Variants in CSMD1 observed in about 807,000 individuals in gnomAD.
The protein encoded by CSMD1 is CUB and Sushi multiple domains 1.
Under a neutral mutation model 417.5 loss-of-function variants are expected in CSMD1, and 213 were observed. The observed-to-expected ratio is 0.51, with a 90% CI of 0.46 to 0.57. The LOEUF is 0.57. Among genes scored for constraint, CSMD1 ranks in the 20% least tolerant of loss-of-function variants. The pLI, the probability that CSMD1 is intolerant of heterozygous loss-of-function variation, is 0.00. For missense variants in CSMD1, 6,923 were observed against 4,529.7 expected, an observed-to-expected ratio of 1.53 and a Z score of -15.17; for synonymous variants, 2,862 against 1,736.8, an observed-to-expected ratio of 1.65 and a Z score of -16.11.
intron 30 of CSMD1, among the ~76,000 whole-genome samples, chr8:3,212,251 C>G (rs912781937): frequency 6.6e-6 from 1 of 152,194 alleles, no homozygotes; most frequent in African/African-American, 2.4e-5. Flanking sequence ...TCACAAAAGT[C>G]TCCCAAAGCA....
At position 4,030,396 on chromosome 8, in the gene CSMD1, G is replaced by A. The variant is rs117009341; in HGVS notation, c.610+1509C>T. On this transcript the variant is annotated intron_variant, in intron 4 of 69. Transcript: ENST00000635120. ...CCAAATTATTGACTTCTACACATTC[G>A]CAGGCTCAACACCACATGGAAGCTG... Among the ~76,000 whole-genome samples the A allele has an allele frequency of 1.7e-3, 253 of 152,234 alleles. 1 individual carries two copies. The highest frequency in any genetic ancestry group is 2.9e-3 in the Non-Finnish European group (199 of 68,000).
chr8:4,206,558 G>A (rs1257153485), intron 3 of CSMD1, among the ~76,000 whole-genome samples: 1 of 152,120 alleles, frequency 6.6e-6, no homozygotes, highest in Non-Finnish European at 1.5e-5. Context: ...GTGTATATGT[G>A]CCACATTTTC....
At chr8:4,663,446 C>A (rs77687338) in intron 1 of CSMD1, among the ~76,000 whole-genome samples, 3,464 of 152,200 alleles carry the variant, frequency 0.023, 135 homozygotes, top group African/African-American at 0.08. Context: ...CCAGTAGTAA[C>A]CCTGAATATT....
At chr8:3,556,389 A>ATTTTT (rs1446015509) in intron 10 of CSMD1, among the ~76,000 whole-genome samples, 1 of 118,664 alleles carries the variant, frequency 8.4e-6, no homozygotes, top group African/African-American at 3.9e-5. Context: ...ATTTATAATA[A>ATTTTT]TTAATATATA....
At chr8:3,554,852 G>C (rs957414356) in intron 10 of CSMD1, among the ~76,000 whole-genome samples, 1 of 152,126 alleles carries the variant, frequency 6.6e-6, no homozygotes, top group African/African-American at 2.4e-5. Flanking sequence ...TGTGTGAACA[G>C]CCAGCAGGCA....
intron 5 of CSMD1, among the ~76,000 whole-genome samples, chr8:3,939,050 T>C (rs189845584): frequency 2.6e-5 from 4 of 152,246 alleles, no homozygotes; most frequent in East Asian, 1.9e-4. Context: ...ATAGTAATTA[T>C]TGAGCCAACA....
At chr8:4,454,889 T>C (rs1400269431) in intron 2 of CSMD1, among the ~76,000 whole-genome samples, 1 of 152,172 alleles carries the variant, frequency 6.6e-6, no homozygotes, top group African/African-American at 2.4e-5. Flanking sequence ...CGTCCTGTGA[T>C]ACACCTACAG....
chr8:4,950,045 G>A (rs1274745653), intron 1 of CSMD1, among the ~76,000 whole-genome samples: 4 of 151,976 alleles, frequency 2.6e-5, no homozygotes, highest in Non-Finnish European at 5.9e-5. Flanking sequence ...TAATGGCACA[G>A]GGAAGAACCT....
intron 2 of CSMD1, among the ~76,000 whole-genome samples, chr8:4,550,571 TA>T (rs1797825515): frequency 6.6e-6 from 1 of 152,170 alleles, no homozygotes; most frequent in Admixed American, 6.5e-5. Context: ...AAACATTTTT[TA>T]AAAACCAGAA....
chr8:4,934,471 C>T (rs558684363), intron 1 of CSMD1, among the ~76,000 whole-genome samples: 1 of 152,268 alleles, frequency 6.6e-6, no homozygotes, highest in African/African-American at 2.4e-5. Flanking sequence ...CAACACTCCA[C>T]TGAGTTATAG....
chr8:4,736,688 AG>A (rs1379821081), intron 1 of CSMD1, among the ~76,000 whole-genome samples: 3 of 152,210 alleles, frequency 2.0e-5, no homozygotes, highest in Admixed American at 2.0e-4. Context: ...GATAAATCGC[AG>A]GAAAAAGAAT....
intron 1 of CSMD1, among the ~76,000 whole-genome samples, chr8:4,844,316 C>T (rs905910387): frequency 2.0e-5 from 3 of 152,144 alleles, no homozygotes; most frequent in South Asian, 2.1e-4. Context: ...TAGATAGTGC[C>T]GTTATTGATA....
chr8:2,958,958 A>T (rs1344201864), intron 62 of CSMD1, among the ~76,000 whole-genome samples: 1 of 152,268 alleles, frequency 6.6e-6, no homozygotes, highest in Non-Finnish European at 1.5e-5. Context: ...GAGAAAAAAA[A>T]TGCTGCTTCT....
intron 1 of CSMD1, among the ~76,000 whole-genome samples, chr8:4,954,934 TTC>T (rs1808988749): frequency 6.6e-6 from 1 of 152,156 alleles, no homozygotes; most frequent in African/African-American, 2.4e-5. Flanking sequence ...GAAAACATGT[TTC>T]TGTTTGTCTG....
chr8:4,631,383 A>C (rs552906800), intron 2 of CSMD1, among the ~76,000 whole-genome samples: 2 of 150,496 alleles, frequency 1.3e-5, no homozygotes, highest in East Asian at 3.9e-4. Flanking sequence ...ATAAAATAAA[A>C]TGATACCTTG....
At chr8:4,626,708 T>C (rs1477480856) in intron 2 of CSMD1, among the ~76,000 whole-genome samples, 2 of 152,020 alleles carry the variant, frequency 1.3e-5, no homozygotes, top group Non-Finnish European at 2.9e-5. Context: ...CGTCTCCCCA[T>C]CCTGACCTAC....
intron 37 of CSMD1, among the ~76,000 whole-genome samples, chr8:3,174,067 G>A (rs976420875): frequency 6.6e-6 from 1 of 152,176 alleles, no homozygotes; most frequent in East Asian, 1.9e-4. Flanking sequence ...AAGAATTAAG[G>A]AAGTATTTTA....
intron 18 of CSMD1, among the ~76,000 whole-genome samples, chr8:3,381,960 T>C (rs1038869123): frequency 8.5e-5 from 13 of 152,122 alleles, no homozygotes; most frequent in African/African-American, 2.7e-4. Context: ...TTTTTTCCTT[T>C]AAAAAGAATG....
intron 3 of CSMD1, among the ~76,000 whole-genome samples, chr8:4,280,685 A>G (rs552445757): frequency 2.0e-5 from 3 of 152,236 alleles, no homozygotes; most frequent in Non-Finnish European, 2.9e-5. Flanking sequence ...AACCTTGTCT[A>G]GATGAGCACA....
Sources: allele counts gnomAD v4.1 joint callset (sites outside exome capture counted in the v4.1 genomes callset), GRCh38; gene constraint gnomAD v4.1.1; transcripts MANE v1.5; gene names NCBI Gene and HGNC (gene_info 2026-07-23, HGNC 2026-07-21).